ERC1: variants seen among roughly 807,000 people sequenced by gnomAD.
ERC1 encodes ELKS/RAB6-interacting/CAST family member 1.
A neutral mutation model predicts 132.0 loss-of-function variants in ERC1; 56 were observed. The observed-to-expected ratio is 0.42, with a 90% CI of 0.34 to 0.53. The LOEUF (loss-of-function observed/expected upper bound fraction) is 0.53, where lower values mean the gene tolerates loss of function less well. ERC1 is among the 20% of genes least tolerant of loss of function. The pLI is 0.03. For synonymous variants in ERC1, 478 were observed against 476.1 expected (o/e 1.00, Z -0.05); for missense variants, 1,202 against 1,349.9 (o/e 0.89, Z 1.72).
intron 12 of ERC1, among the ~76,000 whole-genome samples, chr12:1,220,652 A>G (rs1244891877): frequency 6.6e-6 from 1 of 152,202 alleles, no homozygotes; most frequent in African/African-American, 2.4e-5. Flanking sequence ...CTCATCTGGC[A>G]CCTATTTTTG....
At chr12:1,416,813 C>T (rs1344523579) in intron 17 of ERC1, among the ~76,000 whole-genome samples, 1 of 152,202 alleles carries the variant, frequency 6.6e-6, no homozygotes, top group Non-Finnish European at 1.5e-5. Context: ...AATGAAGTAA[C>T]ATAAAGCCCT....
intron 16 of ERC1, among the ~76,000 whole-genome samples, chr12:1,402,614 A>AACACACACACACACACACACACACAC (rs56777839): frequency 3.0e-4 from 43 of 144,988 alleles, no homozygotes; most frequent in Middle Eastern, 3.5e-3. Context: ...TGTAACCCCC[A>AACACACACACACACACACACACACAC]ACACACACAC....
chr12:1,307,716 G>T (rs74057119), intron 15 of ERC1, among the ~76,000 whole-genome samples: 2,930 of 152,136 alleles, frequency 0.019, 102 homozygotes, highest in African/African-American at 0.068. Context: ...ATTTAAAATT[G>T]AGCATTTTTA....
At chr12:1,003,119 C>CAAAAAAAAAAA (rs34159893) in intron 1 of ERC1, among the ~76,000 whole-genome samples, 1 of 84,810 alleles carries the variant, frequency 1.2e-5, no homozygotes, top group Non-Finnish European at 2.7e-5. Flanking sequence ...AAAAAAGACT[C>CAAAAAAAAAAA]AAAAAAAAAA....
chr12:1,159,793 G>T (rs1013883014), intron 8 of ERC1, among the ~76,000 whole-genome samples: 2 of 152,110 alleles, frequency 1.3e-5, no homozygotes, highest in African/African-American at 4.8e-5. Flanking sequence ...ATTAAAATGG[G>T]ATTCATGTTC....
At chr12:1,284,018 A>T (rs1479777063) in intron 14 of ERC1, among the ~76,000 whole-genome samples, 1 of 152,034 alleles carries the variant, frequency 6.6e-6, no homozygotes, top group Non-Finnish European at 1.5e-5. Flanking sequence ...ATCTAACTGT[A>T]TTTTTGTACC....
intron 15 of ERC1, among the ~76,000 whole-genome samples, chr12:1,362,448 GTCTCTC>G (rs750785449): frequency 5.5e-5 from 8 of 144,856 alleles, no homozygotes; most frequent in African/African-American, 8.0e-5. Context: ...CTCTCTCTCT[GTCTCTC>G]TCTCTCTCTC....
At chr12:1,263,196 C>T (rs2077252157) in intron 14 of ERC1, 31 bp downstream of exon 14, 2 of 1,609,676 alleles carry the variant, frequency 1.2e-6, no homozygotes, top group African/African-American at 2.7e-5. Flanking sequence ...CCAAGCAATG[C>T]TGCTGGTTAA....
At chr12:1,143,502 A>G (rs552175717) in intron 8 of ERC1, among the ~76,000 whole-genome samples, 3 of 151,152 alleles carry the variant, frequency 2.0e-5, no homozygotes, top group South Asian at 4.2e-4. Flanking sequence ...ATCCAGTAAC[A>G]TTGTTTAAAT....
intron 15 of ERC1, among the ~76,000 whole-genome samples, chr12:1,293,121 GTGA>G (rs1487755807): frequency 4.8e-4 from 70 of 144,766 alleles, no homozygotes; most frequent in Non-Finnish European, 6.7e-4. Context: ...TCCAGCCTGG[GTGA>G]CAGAGCAAGA....
At chr12:1,276,883 A>T (rs759041460) in intron 14 of ERC1, among the ~76,000 whole-genome samples, 3 of 152,216 alleles carry the variant, frequency 2.0e-5, no homozygotes, top group African/African-American at 4.8e-5. Flanking sequence ...ACTTATCTAA[A>T]CAGTGTTTTG....
chr12:1,165,337 G>A (rs1593873421), intron 8 of ERC1, among the ~76,000 whole-genome samples: 2 of 150,432 alleles, frequency 1.3e-5, no homozygotes, highest in African/African-American at 2.4e-5. Context: ...ATGGAGTCTC[G>A]CTCTGTTGCC....
Position 1,493,804 on chromosome 12 carries a change from G to A in ERC1, c.*3574G>A, listed in dbSNP as rs754224987. Reference sequence around the variant, plus strand: ...GTCTGGTTTTCCATGAGGAACTTGCGGGCTCACCCACCCCCAGAGTGAGAG... The same window carrying A: ...GTCTGGTTTTCCATGAGGAACTTGCAGGCTCACCCACCCCCAGAGTGAGAG... On this transcript the variant is annotated 3_prime_UTR_variant, in exon 19 of 19. Coordinates refer to ENST00000360905, the MANE Select transcript of ERC1 (RefSeq NM_178040.4). 2.7e-4 allele frequency: 60 copies of A among 222,140 alleles called. No individual in the cohort carries two copies. The highest frequency in any genetic ancestry group is 6.9e-4 in the Admixed American group (12 of 17,280). The allele number at this position is 222,140 out of a possible 1,614,324, so 13.8% of individuals were successfully genotyped here.
In ERC1 at chr12:1,091,036, A is replaced by G. The variant is rs1351960867; in HGVS notation, c.1086+7456A>G. Among the ~76,000 whole-genome samples, 5 of 152,022 alleles carry G rather than the reference A, an allele frequency of 3.3e-5. 1 individual carries two copies. On this transcript the variant is annotated intron_variant, in intron 3 of 18. Coordinates refer to ENST00000360905, the MANE Select transcript of ERC1 (RefSeq NM_178040.4). ...CCTCAGCTTCCTGAGTAGCTGGGAC[A>G]ACAGGCGTGCACAAGCTAATTTTTG...
intron 8 of ERC1, among the ~76,000 whole-genome samples, chr12:1,174,258 T>A (rs948371660): frequency 1.3e-5 from 2 of 152,250 alleles, no homozygotes; most frequent in African/African-American, 4.8e-5. Flanking sequence ...TCTTCCTCAC[T>A]GATGGCAGCT....
chr12:1,099,512 G>A (rs1172731214), intron 3 of ERC1, among the ~76,000 whole-genome samples: 4 of 152,112 alleles, frequency 2.6e-5, no homozygotes, highest in African/African-American at 9.7e-5. Context: ...ACTACGTCAG[G>A]ATCTCCTAAT....
chr12:1,008,150 T>G (rs116533500), intron 1 of ERC1, among the ~76,000 whole-genome samples: 49 of 152,342 alleles, frequency 3.2e-4, no homozygotes, highest in African/African-American at 1.2e-3. Context: ...CATCACCCAG[T>G]CATCAGGTAT....
chr12:1,113,242 A>G (rs1208457153), intron 6 of ERC1, among the ~76,000 whole-genome samples: 2 of 152,218 alleles, frequency 1.3e-5, no homozygotes, highest in Non-Finnish European at 2.9e-5. Flanking sequence ...CCATGGACCC[A>G]TGGATACCGA....
chr12:1,440,218 T>TTC (rs573670116), intron 17 of ERC1, among the ~76,000 whole-genome samples: 7,589 of 143,544 alleles, frequency 0.053, 476 homozygotes, highest in African/African-American at 0.15. Flanking sequence ...TTTTTTTTTT[T>TTC]CCTTGAGACA....
Sources: allele counts gnomAD v4.1 joint callset (sites outside exome capture counted in the v4.1 genomes callset), GRCh38; gene constraint gnomAD v4.1.1; transcripts MANE v1.5; gene names NCBI Gene and HGNC (gene_info 2026-07-23, HGNC 2026-07-21).